ITGAV: variants seen among roughly 807,000 people sequenced by gnomAD.
ITGAV encodes integrin alpha-V.
ITGAV carries 76 observed loss-of-function variants against 143.8 expected under a neutral mutation model. The observed-to-expected ratio is 0.53, with a 90% confidence interval of 0.44 to 0.64. The LOEUF is 0.64. Among genes scored for constraint, ITGAV ranks in the 30% least tolerant of loss-of-function variants. The pLI, the probability that ITGAV is intolerant of heterozygous loss-of-function variation, is 0.00. For missense variants in ITGAV, 1,193 were observed against 1,274.7 expected, an observed-to-expected ratio of 0.94 and a Z score of 0.98; for synonymous variants, 453 against 446.7, an observed-to-expected ratio of 1.01 and a Z score of -0.18.
rs898648680 is a variant in ITGAV, at chr2:186,679,158, G to C, written c.*1866G>C. On this transcript the variant is annotated 3_prime_UTR_variant, in exon 30 of 30. Coordinates refer to ENST00000261023, the MANE Select transcript of ITGAV (RefSeq NM_002210.5). ...GCCAAGTGTTGCCTGCCACCAATCA[G>C]TAAGTTAGTCTATAACAAATTTTAC... The C allele has an allele frequency of 6.5e-6, 1 of 152,698 alleles. No homozygotes were observed. Among genetic ancestry groups the C allele is most frequent in the Non-Finnish European group, 1.5e-5 (1 of 68,450 alleles). The allele number at this position is 152,698 out of a possible 1,614,324, so 9.5% of individuals were successfully genotyped here. A position where few individuals can be genotyped will look rare whatever the true frequency, so the allele number is the denominator to read the frequency against.
intron 18 of ITGAV, among the ~76,000 whole-genome samples, chr2:186,661,236 T>G (rs1198736603): frequency 1.3e-5 from 2 of 152,134 alleles, no homozygotes; most frequent in Admixed American, 1.3e-4. Context: ...TTATTAGAAA[T>G]TTTTTTTGTA....
At chr2:186,624,716 G>A (rs1017176279) in intron 3 of ITGAV, among the ~76,000 whole-genome samples, 7 of 152,040 alleles carry the variant, frequency 4.6e-5, no homozygotes, top group Non-Finnish European at 8.8e-5. Flanking sequence ...GCTCTATGTG[G>A]TATTACAGTC....
At chr2:186,673,194 G>A (rs1485207772) in intron 26 of ITGAV, among the ~76,000 whole-genome samples, 2 of 152,178 alleles carry the variant, frequency 1.3e-5, no homozygotes, top group African/African-American at 4.8e-5. Flanking sequence ...CCCTTAAATG[G>A]TCTTGGCAGT....
At chr2:186,670,008 G>A (rs1003971446) in intron 26 of ITGAV, 194 bp downstream of exon 26, 14 of 529,512 alleles carry the variant, frequency 2.6e-5, no homozygotes, top group East Asian at 6.9e-5. Context: ...AGCTATTTTT[G>A]TAGATGGCTA....
intron 2 of ITGAV, among the ~76,000 whole-genome samples, chr2:186,610,244 A>G (rs971852820): frequency 6.6e-6 from 1 of 152,194 alleles, no homozygotes; most frequent in African/African-American, 2.4e-5. Flanking sequence ...ACAATCCAGG[A>G]TAGAAAAGTT....
Position 186,677,469 on chromosome 2 carries a change from A to T in ITGAV, c.*177A>T. On this transcript the variant is annotated 3_prime_UTR_variant, in exon 30 of 30. Transcript: ENST00000261023. ...ACCTTCTCCTTATAAATAAGTTCAGACATACATTTAATAACATAGGGTGAC... is the reference window on the plus strand; with the variant it reads ...ACCTTCTCCTTATAAATAAGTTCAGTCATACATTTAATAACATAGGGTGAC... 1.8e-6 allele frequency: 1 copy of T among 554,422 alleles called. No individual in the cohort carries two copies. Among genetic ancestry groups the T allele is most frequent in the Non-Finnish European group, 3.2e-6 (1 of 309,588 alleles). 34.3% of individuals were successfully genotyped at this position (554,422 alleles called of 1,614,324 possible). A position where few individuals can be genotyped will look rare whatever the true frequency, so the allele number is the denominator to read the frequency against.
At chr2:186,660,295 G>A (rs1688709073) in intron 18 of ITGAV, among the ~76,000 whole-genome samples, 1 of 152,040 alleles carries the variant, frequency 6.6e-6, no homozygotes, top group South Asian at 2.1e-4. Flanking sequence ...GAAACCCTTG[G>A]AGGGCAAGAA....
intron 6 of ITGAV, 122 bp downstream of exon 6, chr2:186,633,496 A>G (rs944138528): frequency 2.8e-4 from 123 of 434,424 alleles, no homozygotes; most frequent in Admixed American, 1.5e-3. Context: ...CAATTAAAGT[A>G]TATAAACACT....
At chr2:186,617,733 G>C (rs990731318) in intron 2 of ITGAV, among the ~76,000 whole-genome samples, 1 of 151,950 alleles carries the variant, frequency 6.6e-6, no homozygotes, top group African/African-American at 2.4e-5. Context: ...ACTTTATTTC[G>C]ATAATTAAAT....
Position 186,656,477 on chromosome 2 carries a change from TGTAA to T in ITGAV, c.1719+77_1719+80del. The T allele has an allele frequency of 2.8e-6, 3 of 1,078,200 alleles. No individual in the cohort carries two copies. The South Asian group carries it at 5.9e-5, about 21-fold the overall frequency. The allele number at this position is 1,078,200 out of a possible 1,614,324, so 66.8% of individuals were successfully genotyped here. A position where few individuals can be genotyped will look rare whatever the true frequency, so the allele number is the denominator to read the frequency against. On this transcript the variant is annotated intron_variant, in intron 17 of 29. Coordinates refer to ENST00000261023, the MANE Select transcript of ITGAV (RefSeq NM_002210.5). ...TTTTATCTAAATGATTTTCACTTTC[TGTAA>T]ATTAGTGTTAGATCAAAAGGAAAAA...
At chr2:186,593,008 T>C (rs1686656810) in intron 1 of ITGAV, among the ~76,000 whole-genome samples, 2 of 152,180 alleles carry the variant, frequency 1.3e-5, no homozygotes. Flanking sequence ...GAATCCAAGG[T>C]ACTTGGGATG....
intron 29 of ITGAV, 115 bp from the exon 30 acceptor site, chr2:186,677,082 A>G (rs1689234031): frequency 2.4e-6 from 3 of 1,229,258 alleles, no homozygotes; most frequent in Non-Finnish European, 3.5e-6. Context: ...ATGAGGGAAG[A>G]TAAATTTTAT....
At position 186,632,489 on chromosome 2, in the gene ITGAV, G is replaced by GA. The variant is rs1318358308; in HGVS notation, c.586-832dup. On this transcript the variant is annotated intron_variant, in intron 5 of 29. Transcript: ENST00000261023. Reference sequence around the variant, plus strand: ...AAGGGCTATATGTACATTTGGAGGGGAAAAAAAATTTATCTTACCTCCAGC... The same window carrying GA: ...AAGGGCTATATGTACATTTGGAGGGGAAAAAAAAATTTATCTTACCTCCAGC... 1.1e-4 allele frequency among the ~76,000 whole-genome samples: 17 copies of GA among 151,764 alleles called. No homozygotes were observed. The East Asian group carries it at 1.5e-3, about 14-fold the overall frequency.
intron 2 of ITGAV, among the ~76,000 whole-genome samples, chr2:186,621,146 G>A (rs1687509163): frequency 6.6e-6 from 1 of 152,096 alleles, no homozygotes; most frequent in Admixed American, 6.5e-5. Flanking sequence ...AGGGTAAGAA[G>A]GTACCATTGG....
chr2:186,619,796 GC>G (rs1051313919), intron 2 of ITGAV, among the ~76,000 whole-genome samples: 16 of 152,110 alleles, frequency 1.1e-4, no homozygotes, highest in Admixed American at 2.6e-4. Flanking sequence ...TTCAAGACCA[GC>G]CTGGCCAACA....
intron 1 of ITGAV, among the ~76,000 whole-genome samples, chr2:186,594,367 C>T (rs551454821): frequency 2.2e-4 from 33 of 152,256 alleles, no homozygotes; most frequent in African/African-American, 7.2e-4. Context: ...CTGTGTTTCT[C>T]CTACTTCACC....
intron 26 of ITGAV, among the ~76,000 whole-genome samples, chr2:186,670,415 A>G (rs1286142303): frequency 6.6e-6 from 1 of 151,870 alleles, no homozygotes; most frequent in Non-Finnish European, 1.5e-5. Flanking sequence ...ATCCTCCCCT[A>G]TCAGTCCCCC....
chr2:186,637,868 G>A (rs1028968064), intron 8 of ITGAV, among the ~76,000 whole-genome samples: 3 of 152,106 alleles, frequency 2.0e-5, no homozygotes, highest in Non-Finnish European at 4.4e-5. Context: ...GCTCCGTTTA[G>A]GAATCACAGT....
At chr2:186,671,110 G>A (rs985200464) in intron 26 of ITGAV, among the ~76,000 whole-genome samples, 3 of 152,040 alleles carry the variant, frequency 2.0e-5, no homozygotes, top group Non-Finnish European at 2.9e-5. Context: ...TTCCCTTCTC[G>A]ATTGGACTAT....
Sources: gnomAD v4.1 joint callset for allele counts (sites outside exome capture counted in the v4.1 genomes callset) on GRCh38, gnomAD v4.1.1 for gene constraint, MANE v1.5 for transcripts, NCBI Gene and HGNC (gene_info 2026-07-23, HGNC 2026-07-21) for gene names.